The following CNTNAP2 variants were observed in gnomAD, a reference collection of about 807,000 sequenced individuals.
CNTNAP2 encodes the protein contactin-associated protein-like 2.
Under a neutral mutation model 155.2 loss-of-function variants are expected in CNTNAP2, and 98 were observed. The ratio of observed to expected loss-of-function variants is 0.63; its 90% CI spans 0.54 to 0.75. The LOEUF is 0.75. Among genes scored for constraint, CNTNAP2 ranks in the 30% least tolerant of loss-of-function variants. CNTNAP2 has a pLI of 0.00. For missense variants in CNTNAP2, 1,727 were observed against 1,688.1 expected, an observed-to-expected ratio of 1.02 and a Z score of -0.40; for synonymous variants, 651 against 631.2, an observed-to-expected ratio of 1.03 and a Z score of -0.47.
At chr7:147,486,384 G>A (rs1018063891) in intron 11 of CNTNAP2, among the ~76,000 whole-genome samples, 2 of 152,232 alleles carry the variant, frequency 1.3e-5, no homozygotes, top group East Asian at 1.9e-4. Context: ...TTAGTGTGAT[G>A]TCTCTGACTG....
intron 12 of CNTNAP2, among the ~76,000 whole-genome samples, chr7:147,599,255 TC>T (rs113986139): frequency 0.014 from 2,083 of 151,740 alleles, 52 homozygotes; most frequent in African/African-American, 0.048. Flanking sequence ...GGTGGGTCAA[TC>T]CTCTGAGATC....
At chr7:146,886,673 G>A (rs1405835010) in intron 3 of CNTNAP2, among the ~76,000 whole-genome samples, 3 of 151,338 alleles carry the variant, frequency 2.0e-5, no homozygotes, top group Non-Finnish European at 2.9e-5. Context: ...TATGCTTAGT[G>A]TGCCAAGTAG....
intron 6 of CNTNAP2, chr7:147,121,393 G>C: frequency 2.1e-6 from 1 of 467,850 alleles, no homozygotes; most frequent in South Asian, 2.3e-5. Flanking sequence ...GTAATAATTT[G>C]AAGAGAGGAA....
At chr7:146,222,605 T>C (rs1799225061) in intron 1 of CNTNAP2, among the ~76,000 whole-genome samples, 1 of 151,766 alleles carries the variant, frequency 6.6e-6, no homozygotes, top group Non-Finnish European at 1.5e-5. Context: ...TATATGTGCA[T>C]GTGTATGCAT....
At chr7:146,505,950 G>T (rs924585210) in intron 1 of CNTNAP2, among the ~76,000 whole-genome samples, 5 of 152,314 alleles carry the variant, frequency 3.3e-5, no homozygotes, top group Admixed American at 2.0e-4. Flanking sequence ...ACATGCAAAT[G>T]TAACTTATTT....
intron 2 of CNTNAP2, among the ~76,000 whole-genome samples, chr7:146,813,511 G>A (rs1006012667): frequency 2.6e-5 from 4 of 152,156 alleles, no homozygotes; most frequent in Non-Finnish European, 5.9e-5. Flanking sequence ...TGGAATGGGT[G>A]TATTTACCCA....
At chr7:146,876,336 G>A (rs2129208337) in intron 3 of CNTNAP2, among the ~76,000 whole-genome samples, 1 of 152,122 alleles carries the variant, frequency 6.6e-6, no homozygotes, top group African/African-American at 2.4e-5. Context: ...TGTGAATCAG[G>A]TCGGATTTCA....
At chr7:146,590,992 G>A (rs967919893) in intron 1 of CNTNAP2, among the ~76,000 whole-genome samples, 1 of 152,012 alleles carries the variant, frequency 6.6e-6, no homozygotes, top group Non-Finnish European at 1.5e-5. Flanking sequence ...CTTATTGGTA[G>A]CATATAAATT....
chr7:148,147,434 G>T (rs1043232875), intron 16 of CNTNAP2, 57 bp from the exon 17 acceptor site: 14 of 1,515,850 alleles, frequency 9.2e-6, no homozygotes, highest in African/African-American at 1.4e-5. Context: ...AGAATTTACT[G>T]CTATTTGGTA....
chr7:146,831,710 T>C (rs1365099629), intron 2 of CNTNAP2, among the ~76,000 whole-genome samples: 2 of 146,158 alleles, frequency 1.4e-5, no homozygotes, highest in Non-Finnish European at 3.0e-5. Flanking sequence ...TTAAAGCCAC[T>C]TTGTCTGTCT....
intron 1 of CNTNAP2, among the ~76,000 whole-genome samples, chr7:146,748,440 C>A (rs10275588): frequency 6.6e-5 from 10 of 152,022 alleles, no homozygotes; most frequent in African/African-American, 2.4e-4. Context: ...CCACCGCGCC[C>A]GGCCCCAAAT....
At chr7:147,885,680 G>A (rs1379061252) in intron 13 of CNTNAP2, among the ~76,000 whole-genome samples, 1 of 152,086 alleles carries the variant, frequency 6.6e-6, no homozygotes, top group Non-Finnish European at 1.5e-5. Flanking sequence ...CCTGAAACAT[G>A]AGTCTGCCGC....
intron 8 of CNTNAP2, among the ~76,000 whole-genome samples, chr7:147,212,682 G>C (rs1428256695): frequency 6.6e-6 from 1 of 152,074 alleles, no homozygotes; most frequent in East Asian, 1.9e-4. Flanking sequence ...CCAAACCTCA[G>C]CATCACAAAT....
chr7:148,162,431 A>G lies in CNTNAP2; in HGVS notation c.2774-9811A>G, dbSNP rs2116676229. ...AACTTGGAACTGTAGGTCCCACAGT[A>G]AAGCAATGGCTTCTGAAATCAGTGC... On this transcript the variant is annotated intron_variant, in intron 17 of 23. Coordinates refer to ENST00000361727, the MANE Select transcript of CNTNAP2 (RefSeq NM_014141.6). Among the ~76,000 whole-genome samples the G allele has an allele frequency of 2.6e-5, 4 of 152,364 alleles. No homozygotes were observed. In the South Asian group the frequency reaches 8.3e-4, roughly 32 times the overall value.
At chr7:146,349,744 A>T (rs970019434) in intron 1 of CNTNAP2, among the ~76,000 whole-genome samples, 17 of 152,050 alleles carry the variant, frequency 1.1e-4, no homozygotes, top group Admixed American at 5.2e-4. Context: ...GTTTGGCTGG[A>T]TATGAAATTC....
chr7:146,452,958 T>C (rs1011486), intron 1 of CNTNAP2, among the ~76,000 whole-genome samples: 63,851 of 152,070 alleles, frequency 0.42, 16,376 homozygotes, highest in African/African-American at 0.72. Context: ...GAAACAAATT[T>C]GAAGAGACCT....
intron 8 of CNTNAP2, among the ~76,000 whole-genome samples, chr7:147,186,022 T>G (rs1802559010): frequency 6.6e-6 from 1 of 152,192 alleles, no homozygotes. Context: ...ACTCTTTCCT[T>G]TATAAATCAC....
intron 3 of CNTNAP2, among the ~76,000 whole-genome samples, chr7:146,843,451 G>A (rs910719703): frequency 6.6e-6 from 1 of 152,096 alleles, no homozygotes; most frequent in Non-Finnish European, 1.5e-5. Flanking sequence ...AATTTGACAT[G>A]AGATTTTGGT....
At chr7:147,996,807 G>C (rs1801810805) in intron 15 of CNTNAP2, among the ~76,000 whole-genome samples, 1 of 152,148 alleles carries the variant, frequency 6.6e-6, no homozygotes, top group African/African-American at 2.4e-5. Context: ...ACAATCTGAA[G>C]TGAACAAAAG....
Sources: gnomAD v4.1 joint callset for allele counts (sites outside exome capture counted in the v4.1 genomes callset) on GRCh38, gnomAD v4.1.1 for gene constraint, MANE v1.5 for transcripts, NCBI Gene and HGNC (gene_info 2026-07-23, HGNC 2026-07-21) for gene names.